Variants in ARHGAP24 observed in about 807,000 individuals in gnomAD.
ARHGAP24 encodes Rho GTPase activating protein 24, also known as rho GTPase-activating protein 24.
A neutral mutation model predicts 76.4 loss-of-function variants in ARHGAP24; 50 were observed. The ratio of observed to expected loss-of-function variants is 0.65; its 90% CI spans 0.52 to 0.83. The LOEUF is 0.83. Among genes scored for constraint, ARHGAP24 ranks in the 40% least tolerant of loss-of-function variants. The pLI is 0.00. For synonymous variants in ARHGAP24, 345 were observed against 323.3 expected (o/e 1.07, Z -0.72); for missense variants, 930 against 914.2 (o/e 1.02, Z -0.22).
chr4:85,980,073 A>G (rs757579759), intron 8 of ARHGAP24, among the ~76,000 whole-genome samples: 2 of 152,074 alleles, frequency 1.3e-5, no homozygotes, highest in Non-Finnish European at 2.9e-5. Flanking sequence ...TTATGCCCCA[A>G]ACCTGGAATC....
rs543711089 is a variant in ARHGAP24, at chr4:85,487,724, TTA to T, written c.-21+12169_-21+12170del. Among the ~76,000 whole-genome samples the T allele has an allele frequency of 4.0e-4, 39 of 98,680 alleles. No individual in the cohort carries two copies. The East Asian group carries it at 7.0e-3, about 18-fold the overall frequency. 64.7% of individuals were successfully genotyped at this position (98,680 alleles called of 152,430 possible). On this transcript the variant is annotated intron_variant, in intron 1 of 9. Coordinates refer to ENST00000395184, the MANE Select transcript of ARHGAP24 (RefSeq NM_001025616.3). ...TTTATTATATTATATAAATATATAT[TTA>T]TATTATATATTATATAATATATATT...
In ARHGAP24 at chr4:85,625,784, G is replaced by A. The variant is rs183164537; in HGVS notation, c.180+55063G>A. 2.9e-3 allele frequency among the ~76,000 whole-genome samples: 442 copies of A among 152,312 alleles called. 3 individuals are homozygous for A. Among genetic ancestry groups the A allele is most frequent in the Non-Finnish European group, 5.1e-3 (349 of 68,034 alleles). Reference sequence around the variant, plus strand: ...ATTGGGTGCATATATATTTAGGATAGTTAGCTCTTCTTATTAATTGATCCC... The same window carrying A: ...ATTGGGTGCATATATATTTAGGATAATTAGCTCTTCTTATTAATTGATCCC... On this transcript the variant is annotated intron_variant, in intron 2 of 9. Coordinates refer to ENST00000395184, the MANE Select transcript of ARHGAP24 (RefSeq NM_001025616.3).
At chr4:85,617,913 A>G (rs1451711860) in intron 2 of ARHGAP24, among the ~76,000 whole-genome samples, 4 of 152,190 alleles carry the variant, frequency 2.6e-5, no homozygotes. Context: ...GTCTTTTGAT[A>G]TTTGTATACA....
At chr4:85,841,410 A>T (rs1433267820) in intron 3 of ARHGAP24, among the ~76,000 whole-genome samples, 1 of 152,208 alleles carries the variant, frequency 6.6e-6, no homozygotes, top group Non-Finnish European at 1.5e-5. Flanking sequence ...ATCTTAGATA[A>T]GTCATCTAAT....
Position 85,721,935 on chromosome 4 carries a change from A to G in ARHGAP24, c.231A>G (p.Glu77=), listed in dbSNP as rs1309265541. Residue 77 remains glutamate, a synonymous_variant, in exon 3 of 10, where the codon GAA becomes GAG. Transcript: ENST00000395184. The part of the protein sequence containing the change: ...GNKVSEHPCN[E]ENPGKFLFEV... ...AAGTTTCTGAGCATCCCTGCAATGA[A>G]GAGAACCCAGGGAAGTTCCTTTTTG... The G allele has an allele frequency of 4.3e-6, 7 of 1,613,396 alleles. No homozygotes were observed. In the Admixed American group the frequency reaches 8.3e-5, roughly 19 times the overall value.
chr4:85,505,634 C>T (rs1216354407), intron 1 of ARHGAP24, among the ~76,000 whole-genome samples: 1 of 151,998 alleles, frequency 6.6e-6, no homozygotes, highest in Non-Finnish European at 1.5e-5. Flanking sequence ...AACCTTCTTT[C>T]AAGGCTTTTA....
intron 1 of ARHGAP24, among the ~76,000 whole-genome samples, chr4:85,551,703 C>T (rs1402756369): frequency 6.6e-6 from 1 of 152,066 alleles, no homozygotes; most frequent in Admixed American, 6.6e-5. Flanking sequence ...AATTTTGGAA[C>T]TCATTATTGG....
intron 3 of ARHGAP24, among the ~76,000 whole-genome samples, chr4:85,814,245 C>A (rs1243629056): frequency 6.6e-6 from 1 of 152,150 alleles, no homozygotes; most frequent in African/African-American, 2.4e-5. Context: ...CCTCCCAAAT[C>A]TCATGTCCTC....
intron 2 of ARHGAP24, among the ~76,000 whole-genome samples, chr4:85,627,227 A>T (rs987966335): frequency 5.9e-5 from 9 of 151,946 alleles, no homozygotes; most frequent in Non-Finnish European, 1.3e-4. Context: ...GTCTTTGATG[A>T]TGGTGACGTA....
chr4:85,720,469 A>C (rs1724890180), intron 2 of ARHGAP24, among the ~76,000 whole-genome samples: 1 of 152,198 alleles, frequency 6.6e-6, no homozygotes, highest in Non-Finnish European at 1.5e-5. Context: ...TGGGGAATAC[A>C]TAATGAGAGC....
At chr4:85,759,052 C>T (rs991739123) in intron 3 of ARHGAP24, among the ~76,000 whole-genome samples, 1 of 152,112 alleles carries the variant, frequency 6.6e-6, no homozygotes, top group Non-Finnish European at 1.5e-5. Context: ...CACTTTAATT[C>T]CCAAATTTGA....
intron 3 of ARHGAP24, among the ~76,000 whole-genome samples, chr4:85,725,673 GA>G (rs1725141868): frequency 6.6e-6 from 1 of 152,210 alleles, no homozygotes; most frequent in Admixed American, 6.5e-5. Flanking sequence ...TCTGGAATTA[GA>G]AATCCACTTC....
At chr4:85,563,901 T>G (rs925503850) in intron 1 of ARHGAP24, among the ~76,000 whole-genome samples, 2 of 152,180 alleles carry the variant, frequency 1.3e-5, no homozygotes, top group Non-Finnish European at 2.9e-5. Context: ...ATCCTGAAAT[T>G]ATTTAAATAT....
intron 5 of ARHGAP24, among the ~76,000 whole-genome samples, chr4:85,965,637 T>G (rs1213124185): frequency 6.6e-6 from 1 of 152,162 alleles, no homozygotes; most frequent in African/African-American, 2.4e-5. Context: ...TCTGTATCAG[T>G]GTTTCTCAAT....
At chr4:85,493,067 A>G (rs1443869138) in intron 1 of ARHGAP24, among the ~76,000 whole-genome samples, 1 of 152,214 alleles carries the variant, frequency 6.6e-6, no homozygotes, top group Non-Finnish European at 1.5e-5. Flanking sequence ...GTCAGGTTGT[A>G]CATTTTTGGC....
intron 2 of ARHGAP24, among the ~76,000 whole-genome samples, chr4:85,682,866 T>C (rs1723259613): frequency 1.3e-5 from 2 of 152,120 alleles, no homozygotes; most frequent in Admixed American, 1.3e-4. Flanking sequence ...CTCACTAAGG[T>C]AGCCAATATA....
chr4:85,513,914 C>G (rs1724383227), intron 1 of ARHGAP24, among the ~76,000 whole-genome samples: 1 of 152,084 alleles, frequency 6.6e-6, no homozygotes, highest in African/African-American at 2.4e-5. Flanking sequence ...TTCACTTGCT[C>G]TACTTGACGA....
intron 3 of ARHGAP24, 145 bp from the exon 4 acceptor site, chr4:85,923,503 G>T: frequency 8.2e-7 from 1 of 1,212,594 alleles, no homozygotes; most frequent in South Asian, 1.3e-5. Flanking sequence ...TTTCCACTCA[G>T]AAACCATGGT....
intron 2 of ARHGAP24, among the ~76,000 whole-genome samples, chr4:85,707,781 G>C (rs1724374190): frequency 6.6e-6 from 1 of 152,140 alleles, no homozygotes. Context: ...GCACAAGAAT[G>C]AAAGTTGATT....
Sources: allele counts gnomAD v4.1 joint callset (sites outside exome capture counted in the v4.1 genomes callset), GRCh38; gene constraint gnomAD v4.1.1; transcripts MANE v1.5; gene names NCBI Gene and HGNC (gene_info 2026-07-23, HGNC 2026-07-21).